The following CACNA2D3 variants were observed in gnomAD, a reference collection of about 807,000 sequenced individuals.
The protein encoded by CACNA2D3 is voltage-dependent calcium channel subunit alpha-2/delta-3.
Under a neutral mutation model 160.6 loss-of-function variants are expected in CACNA2D3, and 60 were observed. The observed-to-expected ratio is 0.37, with a 90% CI of 0.30 to 0.46. The LOEUF (loss-of-function observed/expected upper bound fraction) is 0.46. Ranked by LOEUF, CACNA2D3 falls within the 20% of genes least tolerant of loss-of-function variation. CACNA2D3 has a pLI of 1.00. For missense variants in CACNA2D3, 1,205 were observed against 1,365.0 expected, an observed-to-expected ratio of 0.88 and a Z score of 1.85; for synonymous variants, 558 against 492.9, an observed-to-expected ratio of 1.13 and a Z score of -1.75.
chr3:55,001,071 A>T (rs1027167257), intron 31 of CACNA2D3, among the ~76,000 whole-genome samples: 2 of 152,046 alleles, frequency 1.3e-5, no homozygotes, highest in East Asian at 1.9e-4. Flanking sequence ...TCTTATAGGG[A>T]TGTGTTTAGA....
At chr3:54,140,902 G>C (rs969826994) in intron 2 of CACNA2D3, among the ~76,000 whole-genome samples, 3 of 152,150 alleles carry the variant, frequency 2.0e-5, no homozygotes, top group Non-Finnish European at 4.4e-5. Context: ...TACCAGCTGA[G>C]AAAACTGGGG....
intron 3 of CACNA2D3, among the ~76,000 whole-genome samples, chr3:54,357,338 C>A (rs958212586): frequency 6.6e-6 from 1 of 152,184 alleles, no homozygotes; most frequent in South Asian, 2.1e-4. Flanking sequence ...TCTTGGAACA[C>A]AACAAATACA....
At chr3:54,651,877 T>C (rs1699771230) in intron 11 of CACNA2D3, among the ~76,000 whole-genome samples, 1 of 152,216 alleles carries the variant, frequency 6.6e-6, no homozygotes, top group Non-Finnish European at 1.5e-5. Context: ...GTTCCTGAGC[T>C]GATTCAGGGA....
chr3:55,069,189 C>CT (rs1704741499), intron 35 of CACNA2D3, among the ~76,000 whole-genome samples: 1 of 152,088 alleles, frequency 6.6e-6, no homozygotes, highest in African/African-American at 2.4e-5. Context: ...CTGCCCTTCC[C>CT]TTTTTTATAA....
At chr3:54,442,225 C>T (rs1700156202) in intron 4 of CACNA2D3, among the ~76,000 whole-genome samples, 1 of 152,162 alleles carries the variant, frequency 6.6e-6, no homozygotes, top group African/African-American at 2.4e-5. Context: ...CCCTTGATCT[C>T]TCAGCCTCCC....
At chr3:54,190,563 A>C (rs1372052109) in intron 2 of CACNA2D3, among the ~76,000 whole-genome samples, 1 of 152,230 alleles carries the variant, frequency 6.6e-6, no homozygotes, top group African/African-American at 2.4e-5. Context: ...ATCTCTAAGC[A>C]TGTCACTATC....
chr3:54,317,700 A>G (rs1324999024), intron 2 of CACNA2D3, among the ~76,000 whole-genome samples: 1 of 151,992 alleles, frequency 6.6e-6, no homozygotes. Flanking sequence ...ACCATAACTG[A>G]CTAATTTTTT....
At chr3:54,893,282 A>G (rs1700110793) in intron 25 of CACNA2D3, among the ~76,000 whole-genome samples, 1 of 147,782 alleles carries the variant, frequency 6.8e-6, no homozygotes, top group African/African-American at 2.5e-5. Context: ...TCTCAAAAAA[A>G]CTCTTTTTTT....
chr3:54,224,335 A>G (rs758734676), intron 2 of CACNA2D3, among the ~76,000 whole-genome samples: 1 of 152,180 alleles, frequency 6.6e-6, no homozygotes, highest in African/African-American at 2.4e-5. Context: ...AAATTACAGT[A>G]TAGTAAATAC....
intron 17 of CACNA2D3, among the ~76,000 whole-genome samples, chr3:54,853,019 A>G (rs372909236): frequency 6.6e-5 from 10 of 152,288 alleles, no homozygotes; most frequent in African/African-American, 2.2e-4. Context: ...TCCGTTCCTC[A>G]GAAACCGCAA....
intron 6 of CACNA2D3, among the ~76,000 whole-genome samples, chr3:54,568,124 A>G (rs1702438206): frequency 6.6e-6 from 1 of 152,134 alleles, no homozygotes. Context: ...CTTTGGCCCT[A>G]CTGTTTCTTT....
intron 2 of CACNA2D3, among the ~76,000 whole-genome samples, chr3:54,316,495 C>G (rs962906455): frequency 6.6e-6 from 1 of 152,112 alleles, no homozygotes; most frequent in African/African-American, 2.4e-5. Context: ...GAGATACTTC[C>G]CCAGGATGAT....
At chr3:54,149,920 T>TCCCTCC (rs1230220200) in intron 2 of CACNA2D3, among the ~76,000 whole-genome samples, 1 of 77,230 alleles carries the variant, frequency 1.3e-5, no homozygotes, top group African/African-American at 6.2e-5. Flanking sequence ...TCTCTCTCTC[T>TCCCTCC]CTCTCTCTCT....
chr3:54,911,423 G>T (rs1190639908), intron 27 of CACNA2D3, among the ~76,000 whole-genome samples: 2 of 130,716 alleles, frequency 1.5e-5, no homozygotes, highest in Non-Finnish European at 3.1e-5. Flanking sequence ...TGAACTCCTG[G>T]GCTCGAGTGA....
intron 14 of CACNA2D3, among the ~76,000 whole-genome samples, chr3:54,818,619 C>T (rs1401986961): frequency 6.6e-6 from 1 of 152,188 alleles, no homozygotes; most frequent in Admixed American, 6.5e-5. Context: ...ACATCACATG[C>T]CCTGCAAAGT....
chr3:54,717,454 A>G (rs776782239), intron 11 of CACNA2D3, among the ~76,000 whole-genome samples: 10 of 152,122 alleles, frequency 6.6e-5, no homozygotes, highest in Non-Finnish European at 1.0e-4. Context: ...ATCTTTGCCA[A>G]CGTTTGCAAT....
chr3:54,616,867 A>G (rs546646268), intron 9 of CACNA2D3, among the ~76,000 whole-genome samples: 1 of 152,226 alleles, frequency 6.6e-6, no homozygotes, highest in Admixed American at 6.5e-5. Flanking sequence ...GATTGCTGTG[A>G]GGATTGAACT....
intron 2 of CACNA2D3, among the ~76,000 whole-genome samples, chr3:54,276,846 C>T (rs1435190189): frequency 6.5e-4 from 99 of 152,238 alleles, no homozygotes; most frequent in Non-Finnish European, 1.0e-4. Context: ...GCTAGAGCTA[C>T]ACCCTGAGGC....
At chr3:54,500,519 T>TCTTCCTTCCTTCCTA (rs1701273708) in intron 4 of CACNA2D3, among the ~76,000 whole-genome samples, 1 of 57,886 alleles carries the variant, frequency 1.7e-5, no homozygotes, top group Non-Finnish European at 4.7e-5. Context: ...CTTCCTTCCT[T>TCTTCCTTCCTTCCTA]CCTTCCTTCC....
Sources: allele counts gnomAD v4.1 joint callset (sites outside exome capture counted in the v4.1 genomes callset), GRCh38; gene constraint gnomAD v4.1.1; transcripts MANE v1.5; gene names NCBI Gene and HGNC (gene_info 2026-07-23, HGNC 2026-07-21).